METTL16: variants seen among roughly 807,000 people sequenced by gnomAD.
METTL16 encodes methyltransferase 16, RNA N6-adenosine.
In METTL16, 19 loss-of-function variants were observed where a neutral mutation model predicts 57.9. That is an observed-to-expected ratio of 0.33 (90% CI 0.23 to 0.48). The LOEUF (loss-of-function observed/expected upper bound fraction) is 0.48, where lower values mean the gene tolerates loss of function less well. Among genes scored for constraint, METTL16 ranks in the 20% least tolerant of loss-of-function variants. METTL16 has a pLI of 0.99. For missense variants in METTL16, 434 were observed against 691.5 expected (o/e 0.63, Z 4.18); for synonymous variants, 246 against 255.6 (o/e 0.96, Z 0.36).
At chr17:2,423,681 C>T (rs984419756) in intron 8 of METTL16, among the ~76,000 whole-genome samples, 1 of 152,098 alleles carries the variant, frequency 6.6e-6, no homozygotes, top group Non-Finnish European at 1.5e-5. Context: ...CACCTACAAG[C>T]ATGGCTAAAA....
chr17:2,424,696 C>T (rs183416666), intron 8 of METTL16, among the ~76,000 whole-genome samples: 1 of 152,190 alleles, frequency 6.6e-6, no homozygotes, highest in Non-Finnish European at 1.5e-5. Flanking sequence ...CGCCTGTAAT[C>T]CCAGCATTTT....
At chr17:2,468,478 AG>A (rs2067216421) in intron 4 of METTL16, among the ~76,000 whole-genome samples, 1 of 152,220 alleles carries the variant, frequency 6.6e-6, no homozygotes, top group African/African-American at 2.4e-5. Context: ...CTGTAGCTCT[AG>A]CCAACAACTT....
In METTL16 at chr17:2,502,248, T is replaced by C. The variant is rs1340053857; in HGVS notation, c.84A>G (p.Pro28=). 1 of 1,614,072 alleles carries C rather than the reference T, an allele frequency of 6.2e-7. No individual in the cohort carries two copies. The highest frequency in any genetic ancestry group is 1.7e-5 in the Admixed American group (1 of 60,020). The stretch of plus-strand genomic sequence containing the variant: ...TTATCTGAACATGCTGCTTAAAATC[T>C]GGATATTTGGATGCCAGATATGCAA... ...PDFAYLASKY[P]DFKQHVQINL... Residue 28 remains proline, a synonymous_variant, in exon 2 of 10, where the codon CCA becomes CCG. Transcript: ENST00000263092.
intron 2 of METTL16, among the ~76,000 whole-genome samples, chr17:2,481,159 G>A (rs1597463576): frequency 6.6e-6 from 1 of 150,408 alleles, no homozygotes; most frequent in African/African-American, 2.4e-5. Context: ...AGTGAGCCTA[G>A]ATGAAGCCAC....
chr17:2,487,198 G>C (rs2067349757), intron 2 of METTL16, among the ~76,000 whole-genome samples: 1 of 152,102 alleles, frequency 6.6e-6, no homozygotes, highest in South Asian at 2.1e-4. Flanking sequence ...AGGATAGGCG[G>C]TGCCACCCTA....
intron 6 of METTL16, among the ~76,000 whole-genome samples, chr17:2,448,053 AG>A (rs1182602796): frequency 2.7e-5 from 1 of 37,416 alleles, no homozygotes; most frequent in Non-Finnish European, 4.6e-5. Context: ...CTGCCCGGCC[AG>A]CCGCCCCGTC....
In METTL16 at chr17:2,496,404, T is replaced by A. The variant is rs991989977; in HGVS notation, c.128+5800A>T. Among the ~76,000 whole-genome samples, 29 of 151,442 alleles carry A rather than the reference T, an allele frequency of 1.9e-4. 1 individual carries two copies. The highest frequency in any genetic ancestry group is 1.7e-3 in the Admixed American group (26 of 15,232). ...GCCTTGAACTCCTGGGATCAAATGA[T>A]CCCCCCACCTCAGCCTCCCAAGTAG... On this transcript the variant is annotated intron_variant, in intron 2 of 9. Coordinates refer to ENST00000263092, the MANE Select transcript of METTL16 (RefSeq NM_024086.4).
At position 2,454,315 on chromosome 17, in the gene METTL16, T is replaced by C. The variant is rs372492063; in HGVS notation, c.728+9893A>G. The stretch of plus-strand genomic sequence containing the variant: ...CAGAGGTTTGGGGTATAAGCAATTA[T>C]GAACCTTACCTAAAAAGTTCTCTAA... On this transcript the variant is annotated intron_variant, in intron 6 of 9. Coordinates refer to ENST00000263092, the MANE Select transcript of METTL16 (RefSeq NM_024086.4). 5.3e-5 allele frequency among the ~76,000 whole-genome samples: 8 copies of C among 152,280 alleles called. No individual in the cohort carries two copies. The South Asian group carries it at 1.7e-3, about 32-fold the overall frequency.
chr17:2,420,279 C>A lies in METTL16; in HGVS notation c.1380G>T (p.Pro460=), dbSNP rs535260006. The change falls in exon 10 of 10, where the codon CCG becomes CCT. Residue 460 remains proline (P), a synonymous_variant. Transcript: ENST00000263092. The surrounding 1 kb of genome is among the most constrained non-coding windows in gnomAD (Gnocchi z 5.4). ...SQESLSQEEN[P]EPTEDERSEE... is the part of the protein sequence containing the mutation. ...CACTCCTTTCATCCTCCGTGGGTTCCGGGTTTTCCTCCTGGGACAGGGACT... is the reference window on the plus strand; with the variant it reads ...CACTCCTTTCATCCTCCGTGGGTTCAGGGTTTTCCTCCTGGGACAGGGACT... 2 of 1,613,706 alleles carry A rather than the reference C, an allele frequency of 1.2e-6. No homozygotes were observed. Among genetic ancestry groups the A allele is most frequent in the East Asian group, 4.5e-5 (2 of 44,890 alleles).
chr17:2,497,669 T>C (rs2067456405), intron 2 of METTL16, among the ~76,000 whole-genome samples: 1 of 151,612 alleles, frequency 6.6e-6, no homozygotes, highest in Non-Finnish European at 1.5e-5. Flanking sequence ...TCAATGTTTG[T>C]GACTTGCCAG....
intron 2 of METTL16, among the ~76,000 whole-genome samples, chr17:2,480,134 C>T (rs1348546204): frequency 1.4e-5 from 2 of 148,060 alleles, no homozygotes; most frequent in African/African-American, 2.5e-5. Context: ...TGCAGTGAGC[C>T]GAGACTGTGC....
At chr17:2,467,716 G>A (rs374140496) in intron 5 of METTL16, 45 bp downstream of exon 5, 169 of 1,493,030 alleles carry the variant, frequency 1.1e-4, no homozygotes, top group Non-Finnish European at 1.2e-4. Flanking sequence ...GTGAGCCACC[G>A]CGCCCAGCCT....
intron 6 of METTL16, among the ~76,000 whole-genome samples, chr17:2,453,064 T>C (rs1280869677): frequency 6.6e-6 from 1 of 152,164 alleles, no homozygotes; most frequent in Non-Finnish European, 1.5e-5. Context: ...TTCACTGTGT[T>C]GGTCAGGCTG....
chr17:2,429,103 C>T lies in METTL16; in HGVS notation c.889-8199G>A, dbSNP rs973582782. On this transcript the variant is annotated intron_variant, in intron 8 of 9. Coordinates refer to ENST00000263092, the MANE Select transcript of METTL16 (RefSeq NM_024086.4). ...GAACTCCCGACCTCAGGTGATCCAC[C>T]CGCTTCGGCCTCCCAAAGCGCTGGG... 2.0e-5 allele frequency among the ~76,000 whole-genome samples: 3 copies of T among 152,034 alleles called. No individual in the cohort carries two copies. The East Asian group carries it at 5.8e-4, about 29-fold the overall frequency.
At chr17:2,446,781 C>T (rs1229405789) in intron 6 of METTL16, among the ~76,000 whole-genome samples, 1 of 152,072 alleles carries the variant, frequency 6.6e-6, no homozygotes, top group Non-Finnish European at 1.5e-5. Context: ...CGGGGTTTTG[C>T]TGTGTTGGCC....
At chr17:2,462,626 C>T (rs1262523252) in intron 6 of METTL16, among the ~76,000 whole-genome samples, 1 of 152,008 alleles carries the variant, frequency 6.6e-6, no homozygotes, top group Non-Finnish European at 1.5e-5. Context: ...TGTGTAGCAC[C>T]TCCTCCTTCC....
At chr17:2,447,771 G>A (rs1362866020) in intron 6 of METTL16, among the ~76,000 whole-genome samples, 7 of 125,690 alleles carry the variant, frequency 5.6e-5, no homozygotes, top group Non-Finnish European at 1.0e-4. Flanking sequence ...TCAGCCCCCC[G>A]CCCGGCCAGC....
At chr17:2,446,392 T>C (rs1001823513) in intron 6 of METTL16, among the ~76,000 whole-genome samples, 3 of 152,156 alleles carry the variant, frequency 2.0e-5, no homozygotes, top group African/African-American at 7.2e-5. Context: ...ACAGAAGACA[T>C]GGTCTTCTAC....
intron 8 of METTL16, among the ~76,000 whole-genome samples, chr17:2,432,865 G>A (rs944581236): frequency 2.0e-5 from 3 of 152,218 alleles, no homozygotes; most frequent in Non-Finnish European, 4.4e-5. Context: ...ACAACCCTAT[G>A]TGGTAGATAC....
Sources: allele counts gnomAD v4.1 joint callset (sites outside exome capture counted in the v4.1 genomes callset), GRCh38; gene constraint gnomAD v4.1.1; non-coding constraint Gnocchi (gnomAD v3.1); transcripts MANE v1.5; gene names NCBI Gene and HGNC (gene_info 2026-07-23, HGNC 2026-07-21).